PXDNL: variants seen among roughly 807,000 people sequenced by gnomAD.
The protein encoded by PXDNL is peroxidasin like.
In PXDNL, 145 loss-of-function variants were observed where a neutral mutation model predicts 150.8. That is an observed-to-expected ratio of 0.96 (90% confidence interval 0.84 to 1.10). PXDNL has a LOEUF of 1.10. Among genes scored for constraint, PXDNL ranks in the 50% least tolerant of loss-of-function variants. The pLI is 0.00. For missense variants in PXDNL, 2,087 were observed against 1,873.9 expected (o/e 1.11, Z -2.10); for synonymous variants, 757 against 725.7 (o/e 1.04, Z -0.69).
chr8:51,752,947 T>C (rs1271616298), intron 1 of PXDNL, among the ~76,000 whole-genome samples: 1 of 152,318 alleles, frequency 6.6e-6, no homozygotes, highest in East Asian at 1.9e-4. Flanking sequence ...CTGTGATGTC[T>C]CAGATCAAGA....
intron 1 of PXDNL, among the ~76,000 whole-genome samples, chr8:51,679,036 T>C (rs1815688818): frequency 6.6e-6 from 1 of 152,166 alleles, no homozygotes; most frequent in South Asian, 2.1e-4. Flanking sequence ...AAGAATCTGG[T>C]TTGGCAGAAA....
chr8:51,513,918 G>C (rs867936339), intron 4 of PXDNL, among the ~76,000 whole-genome samples: 19 of 152,218 alleles, frequency 1.2e-4, no homozygotes, highest in African/African-American at 4.1e-4. Flanking sequence ...ACCTCAGAGA[G>C]AACTAGACAC....
chr8:51,527,923 T>G (rs1463341597), intron 4 of PXDNL, among the ~76,000 whole-genome samples: 1 of 152,150 alleles, frequency 6.6e-6, no homozygotes, highest in Non-Finnish European at 1.5e-5. Context: ...GTTCCAGTCC[T>G]GGCTCCAACA....
chr8:51,744,650 TG>T (rs940075168), intron 1 of PXDNL, among the ~76,000 whole-genome samples: 8 of 103,140 alleles, frequency 7.8e-5, no homozygotes, highest in African/African-American at 3.0e-4. Context: ...CACTCTAGCC[TG>T]GGTACTTGAG....
intron 8 of PXDNL, 79 bp downstream of exon 8, chr8:51,472,108 A>T: frequency 2.2e-6 from 2 of 898,948 alleles, no homozygotes; most frequent in African/African-American, 1.7e-5. Flanking sequence ...TCTTCTCTAG[A>T]TAAAGGAGTT....
chr8:51,356,697 A>G lies in PXDNL; in HGVS notation c.3902-10750T>C, dbSNP rs78813298. Among the ~76,000 whole-genome samples the G allele has an allele frequency of 5.1e-3, 774 of 152,194 alleles. 3 individuals are homozygous for G. The highest frequency in any genetic ancestry group is 0.018 in the African/African-American group (730 of 41,526). On this transcript the variant is annotated intron_variant, in intron 19 of 22. Coordinates refer to ENST00000356297, the MANE Select transcript of PXDNL (RefSeq NM_144651.5). ...TCTCGTTATAGTCATTCATTTATCA[A>G]TCTTGGTTACTGTGATCTTTTGATA...
intron 1 of PXDNL, among the ~76,000 whole-genome samples, chr8:51,752,576 C>A (rs2037057309): frequency 6.6e-6 from 1 of 152,106 alleles, no homozygotes; most frequent in African/African-American, 2.4e-5. Flanking sequence ...TCATGTATGC[C>A]AGCATCATGA....
intron 19 of PXDNL, among the ~76,000 whole-genome samples, chr8:51,355,555 C>T (rs975124194): frequency 1.3e-5 from 2 of 152,180 alleles, no homozygotes; most frequent in African/African-American, 4.8e-5. Flanking sequence ...TCTTAGGAAA[C>T]ATCCCACCTG....
At chr8:51,478,872 C>T (rs995372044) in intron 6 of PXDNL, among the ~76,000 whole-genome samples, 3 of 152,178 alleles carry the variant, frequency 2.0e-5, no homozygotes, top group Admixed American at 1.3e-4. Flanking sequence ...TTGGACCCAT[C>T]GGGACTTCAT....
chr8:51,577,321 A>G (rs1319097682), intron 3 of PXDNL, among the ~76,000 whole-genome samples: 1 of 151,640 alleles, frequency 6.6e-6, no homozygotes, highest in Admixed American at 6.6e-5. Context: ...GTATTTCAGG[A>G]ATACAAAAGT....
chr8:51,544,494 T>C (rs912222366), intron 4 of PXDNL, among the ~76,000 whole-genome samples: 4 of 152,226 alleles, frequency 2.6e-5, no homozygotes, highest in African/African-American at 9.6e-5. Context: ...TTGTTTATTC[T>C]ATGACATTGT....
chr8:51,525,561 A>G (rs1324477287), intron 4 of PXDNL, among the ~76,000 whole-genome samples: 1 of 152,226 alleles, frequency 6.6e-6, no homozygotes, highest in African/African-American at 2.4e-5. Flanking sequence ...AAGGAAAATC[A>G]AGTCCCAGTT....
chr8:51,357,175 C>T (rs1806535956), intron 19 of PXDNL, among the ~76,000 whole-genome samples: 1 of 152,228 alleles, frequency 6.6e-6, no homozygotes, highest in African/African-American at 2.4e-5. Context: ...AGAATATAGT[C>T]TCATTATCCT....
chr8:51,549,651 C>T lies in PXDNL; in HGVS notation c.380+7189G>A, dbSNP rs142138908. 4.0e-3 allele frequency among the ~76,000 whole-genome samples: 602 copies of T among 152,162 alleles called. 6 individuals carry two copies. Among genetic ancestry groups the T allele is most frequent in the African/African-American group, 0.014 (568 of 41,518 alleles). ...AAACTGAATGATGATAGTGACACAACTTATCAAAACCTCTGGGATAGAGAA... is the reference window on the plus strand; with the variant it reads ...AAACTGAATGATGATAGTGACACAATTTATCAAAACCTCTGGGATAGAGAA... On this transcript the variant is annotated intron_variant, in intron 4 of 22. Transcript: ENST00000356297.
intron 1 of PXDNL, among the ~76,000 whole-genome samples, chr8:51,796,497 C>T (rs2037562458): frequency 6.6e-6 from 1 of 151,948 alleles, no homozygotes; most frequent in Admixed American, 6.6e-5. Context: ...GGGTTATCAC[C>T]ACTGACCCCA....
intron 1 of PXDNL, among the ~76,000 whole-genome samples, chr8:51,683,798 C>T (rs541223919): frequency 6.6e-5 from 10 of 152,216 alleles, no homozygotes; most frequent in Non-Finnish European, 1.0e-4. Flanking sequence ...CCAAGGCATG[C>T]GAGACTGATG....
intron 14 of PXDNL, among the ~76,000 whole-genome samples, chr8:51,413,823 A>G (rs888401131): frequency 6.6e-5 from 10 of 152,210 alleles, no homozygotes; most frequent in African/African-American, 2.4e-4. Context: ...AGGCTATTGA[A>G]TCTTCTTCAA....
chr8:51,737,858 C>T (rs1010056305), intron 1 of PXDNL, among the ~76,000 whole-genome samples: 14 of 151,962 alleles, frequency 9.2e-5, no homozygotes, highest in Non-Finnish European at 1.3e-4. Context: ...GATTAAGATT[C>T]GCTCTCACTG....
intron 17 of PXDNL, among the ~76,000 whole-genome samples, chr8:51,391,070 T>G (rs1807889911): frequency 3.3e-5 from 5 of 152,228 alleles, no homozygotes; most frequent in Admixed American, 2.6e-4. Flanking sequence ...ACAAAGGACA[T>G]GAACTCATCA....
Sources: allele counts gnomAD v4.1 joint callset (sites outside exome capture counted in the v4.1 genomes callset), GRCh38; gene constraint gnomAD v4.1.1; transcripts MANE v1.5; gene names NCBI Gene and HGNC (gene_info 2026-07-23, HGNC 2026-07-21).